The following CDC42BPA variants were observed in gnomAD, a reference collection of about 807,000 sequenced individuals.
The protein encoded by CDC42BPA is CDC42 binding protein kinase alpha, also known as serine/threonine-protein kinase MRCK alpha.
CDC42BPA carries 80 observed loss-of-function variants against 223.5 expected under a neutral mutation model. The ratio of observed to expected loss-of-function variants is 0.36; its 90% CI spans 0.30 to 0.43. CDC42BPA has a LOEUF of 0.43. Ranked by LOEUF, CDC42BPA falls within the 20% of genes least tolerant of loss-of-function variation. The pLI, the probability that CDC42BPA is intolerant of heterozygous loss-of-function variation, is 1.00. For synonymous variants in CDC42BPA, 694 were observed against 718.6 expected (o/e 0.97, Z 0.55); for missense variants, 1,743 against 2,099.9 (o/e 0.83, Z 3.32).
Position 227,130,315 on chromosome 1 carries a change from T to A in CDC42BPA, c.1391-1084A>T, listed in dbSNP as rs149529924. ...GTGTGTGTGTGTAAACCATAATCCCTATATGTTTGGCAGTCAATAAATATT... is the reference window on the plus strand; with the variant it reads ...GTGTGTGTGTGTAAACCATAATCCCAATATGTTTGGCAGTCAATAAATATT... On this transcript the variant is annotated intron_variant, in intron 10 of 36. Transcript: ENST00000366766. 3.7e-3 allele frequency among the ~76,000 whole-genome samples: 563 copies of A among 152,312 alleles called. 3 individuals are homozygous for A. The highest frequency in any genetic ancestry group is 0.013 in the African/African-American group (544 of 41,566).
chr1:227,033,731 G>A (rs1669739697), intron 26 of CDC42BPA, among the ~76,000 whole-genome samples: 1 of 152,038 alleles, frequency 6.6e-6, no homozygotes. Flanking sequence ...GGACCCTCTT[G>A]CCTCCCATAA....
intron 21 of CDC42BPA, among the ~76,000 whole-genome samples, chr1:227,053,732 G>C (rs1027116417): frequency 3.3e-5 from 5 of 152,006 alleles, no homozygotes; most frequent in African/African-American, 1.2e-4. Context: ...ATTTTGACCA[G>C]GAAAAGAAAA....
At chr1:227,158,171 G>C (rs556127826) in intron 6 of CDC42BPA, among the ~76,000 whole-genome samples, 22 of 152,110 alleles carry the variant, frequency 1.4e-4, no homozygotes, top group African/African-American at 5.3e-4. Context: ...GTGTTGGCCA[G>C]GCAGTCTCAA....
rs1310293564 is a variant in CDC42BPA at position 226,990,261 on chromosome 1, G to C, written c.*4007C>G. 3 of 152,208 alleles carry C rather than the reference G, an allele frequency of 2.0e-5. No homozygotes were observed. Among genetic ancestry groups the C allele is most frequent in the Non-Finnish European group, 4.4e-5 (3 of 68,050 alleles). The allele number at this position is 152,208 out of a possible 1,614,324, so 9.4% of individuals were successfully genotyped here. A position where few individuals can be genotyped will look rare whatever the true frequency, so the allele number is the denominator to read the frequency against. On this transcript the variant is annotated 3_prime_UTR_variant, in exon 37 of 37. Transcript: ENST00000366766. ...AAAAGACAAGTCATTTTGTTTTCAT[G>C]AGATTTCAAGGTTGATTTGAGTCAG... is the stretch of plus-strand genomic sequence containing the variant.
intron 21 of CDC42BPA, among the ~76,000 whole-genome samples, chr1:227,066,312 C>T (rs1310915053): frequency 6.6e-6 from 1 of 151,922 alleles, no homozygotes; most frequent in Non-Finnish European, 1.5e-5. Context: ...ATCGCTTGAA[C>T]CTGGGACGCA....
chr1:227,127,931 C>T (rs970315675), intron 11 of CDC42BPA, among the ~76,000 whole-genome samples: 14 of 152,126 alleles, frequency 9.2e-5, no homozygotes, highest in African/African-American at 2.7e-4. Context: ...TCACCATTCT[C>T]GTTAAAATAG....
intron 21 of CDC42BPA, among the ~76,000 whole-genome samples, chr1:227,063,355 T>C (rs1053561072): frequency 6.6e-6 from 1 of 152,064 alleles, no homozygotes; most frequent in Non-Finnish European, 1.5e-5. Flanking sequence ...TATGAAGGTA[T>C]GCACACAAGC....
chr1:227,057,885 G>A (rs1275319110), intron 21 of CDC42BPA, among the ~76,000 whole-genome samples: 5 of 152,124 alleles, frequency 3.3e-5, no homozygotes, highest in South Asian at 4.2e-4. Flanking sequence ...AGTCTGCAAG[G>A]CAAGTGAGAC....
chr1:227,058,312 C>T lies in CDC42BPA; in HGVS notation c.2905-6327G>A, dbSNP rs191013849. On this transcript the variant is annotated intron_variant, in intron 21 of 36. Transcript: ENST00000366766. ...TTATTCATGTTTATTTTACAACCAA[C>T]CCTCCAACATACCAGAAAGACAGGA... Among the ~76,000 whole-genome samples, 8 of 152,192 alleles carry T rather than the reference C, an allele frequency of 5.3e-5. No homozygotes were observed. The East Asian group carries it at 1.5e-3, about 29-fold the overall frequency.
chr1:227,148,428 G>A (rs903694041), intron 6 of CDC42BPA, among the ~76,000 whole-genome samples: 6 of 152,164 alleles, frequency 3.9e-5, no homozygotes, highest in African/African-American at 1.4e-4. Flanking sequence ...CATTCCTAAA[G>A]TAGAATACCA....
At chr1:227,290,850 G>A (rs1482400858) in intron 1 of CDC42BPA, among the ~76,000 whole-genome samples, 2 of 152,094 alleles carry the variant, frequency 1.3e-5, no homozygotes, top group South Asian at 4.1e-4. Flanking sequence ...GGGTGGGAAG[G>A]GGAAACACAA....
intron 2 of CDC42BPA, among the ~76,000 whole-genome samples, chr1:227,252,757 T>G (rs1221706699): frequency 6.6e-6 from 1 of 151,940 alleles, no homozygotes; most frequent in Non-Finnish European, 1.5e-5. Flanking sequence ...ACAGCATAAT[T>G]CAACACATTA....
chr1:227,231,387 G>A (rs1677932164), intron 2 of CDC42BPA, among the ~76,000 whole-genome samples: 1 of 151,982 alleles, frequency 6.6e-6, no homozygotes. Flanking sequence ...TATCATTCAT[G>A]GACATTTGGG....
chr1:227,132,740 G>GC (rs1657457910), intron 10 of CDC42BPA, among the ~76,000 whole-genome samples: 1 of 150,644 alleles, frequency 6.6e-6, no homozygotes, highest in East Asian at 2.0e-4. Flanking sequence ...GTCTCTGCCC[G>GC]CCCGCCCATC....
chr1:227,249,591 C>G (rs1420322384), intron 2 of CDC42BPA, among the ~76,000 whole-genome samples: 1 of 152,116 alleles, frequency 6.6e-6, no homozygotes, highest in Non-Finnish European at 1.5e-5. Flanking sequence ...ATTCAAACAA[C>G]TCTATAGGAA....
intron 34 of CDC42BPA, among the ~76,000 whole-genome samples, chr1:227,013,329 G>C (rs6704144): frequency 0.39 from 59,003 of 151,700 alleles, 11,950 homozygotes; most frequent in Non-Finnish European, 0.46. Flanking sequence ...ATCTTCACTT[G>C]TTTTGCTTAT....
intron 15 of CDC42BPA, among the ~76,000 whole-genome samples, chr1:227,099,521 G>C (rs1684615949): frequency 6.6e-6 from 1 of 152,116 alleles, no homozygotes; most frequent in Non-Finnish European, 1.5e-5. Context: ...ATGCATGACT[G>C]TAATTCCCTG....
chr1:227,014,346 A>G (rs1423019509), intron 34 of CDC42BPA, among the ~76,000 whole-genome samples: 1 of 152,090 alleles, frequency 6.6e-6, no homozygotes, highest in Admixed American at 6.6e-5. Context: ...TTCCAAAAAC[A>G]TAAGTGATTA....
At chr1:227,283,707 C>A (rs1266249825) in intron 1 of CDC42BPA, among the ~76,000 whole-genome samples, 1 of 152,088 alleles carries the variant, frequency 6.6e-6, no homozygotes, top group Non-Finnish European at 1.5e-5. Context: ...AAGCCCAACC[C>A]CCCACCATTA....
Sources: allele counts gnomAD v4.1 joint callset (sites outside exome capture counted in the v4.1 genomes callset), GRCh38; gene constraint gnomAD v4.1.1; transcripts MANE v1.5; gene names NCBI Gene and HGNC (gene_info 2026-07-23, HGNC 2026-07-21).